Variants in NFIA observed in about 807,000 individuals in gnomAD.
NFIA encodes the protein nuclear factor 1 A-type.
A neutral mutation model predicts 62.8 loss-of-function variants in NFIA; 8 were observed. The observed-to-expected ratio is 0.13, with a 90% CI of 0.07 to 0.23. NFIA has a LOEUF of 0.23. Ranked by LOEUF, NFIA falls within the 10% of genes least tolerant of loss-of-function variation. The pLI is 1.00. For missense variants in NFIA, 410 were observed against 642.1 expected, an observed-to-expected ratio of 0.64 and a Z score of 3.91; for synonymous variants, 235 against 238.1, an observed-to-expected ratio of 0.99 and a Z score of 0.12.
rs540342422 is a variant in NFIA at position 61,301,432 on chromosome 1, G to A, written c.625+23847G>A. 3.3e-5 allele frequency among the ~76,000 whole-genome samples: 5 copies of A among 152,266 alleles called. No individual in the cohort carries two copies. In the South Asian group the frequency reaches 8.3e-4, roughly 25 times the overall value. ...TGGATGATTTTAAATATTTCTCACA[G>A]CCAAACTTTTGATTAAAGCTGAGCC... On this transcript the variant is annotated intron_variant, in intron 3 of 10. Transcript: ENST00000403491.
intron 10 of NFIA, among the ~76,000 whole-genome samples, chr1:61,432,642 C>CACACATATATATAT (rs1667153213): frequency 6.6e-6 from 1 of 151,166 alleles, no homozygotes; most frequent in Admixed American, 6.6e-5. Flanking sequence ...CATATATATA[C>CACACATATATATAT]ACATATATAT....
intron 2 of NFIA, among the ~76,000 whole-genome samples, chr1:61,172,984 A>G (rs1485042696): frequency 6.6e-6 from 1 of 152,040 alleles, no homozygotes; most frequent in Non-Finnish European, 1.5e-5. Flanking sequence ...TTTTCTGACA[A>G]CTCCATTAGG....
chr1:61,099,067 G>A (rs1324983913), intron 2 of NFIA, among the ~76,000 whole-genome samples: 1 of 152,202 alleles, frequency 6.6e-6, no homozygotes, highest in Non-Finnish European at 1.5e-5. Flanking sequence ...ATGGATAAAT[G>A]TAATCCTTTG....
At chr1:61,443,266 G>A (rs560584515) in intron 10 of NFIA, among the ~76,000 whole-genome samples, 2 of 151,844 alleles carry the variant, frequency 1.3e-5, no homozygotes, top group African/African-American at 4.8e-5. Context: ...CAACTCCAAA[G>A]ATAAAAAAGC....
chr1:61,445,352 C>T (rs1667761901), intron 10 of NFIA, among the ~76,000 whole-genome samples: 1 of 152,126 alleles, frequency 6.6e-6, no homozygotes, highest in Non-Finnish European at 1.5e-5. Flanking sequence ...CTCATATCCC[C>T]TGGAAATATT....
At chr1:61,139,316 A>C (rs1647323804) in intron 2 of NFIA, among the ~76,000 whole-genome samples, 1 of 152,216 alleles carries the variant, frequency 6.6e-6, no homozygotes, top group Non-Finnish European at 1.5e-5. Context: ...CCCCATGTAG[A>C]TCCCATTATT....
intron 2 of NFIA, among the ~76,000 whole-genome samples, chr1:61,231,686 T>C (rs1221189975): frequency 1.3e-5 from 2 of 152,138 alleles, no homozygotes; most frequent in African/African-American, 4.8e-5. Context: ...CAGTCTAAGC[T>C]GAGTATAGTG....
intron 10 of NFIA, among the ~76,000 whole-genome samples, chr1:61,452,227 T>C (rs922962926): frequency 6.6e-6 from 1 of 150,952 alleles, no homozygotes; most frequent in Non-Finnish European, 1.5e-5. Flanking sequence ...TACAAACTGA[T>C]TAGGAGAAAA....
chr1:61,276,730 T>C (rs1657828108), intron 2 of NFIA, among the ~76,000 whole-genome samples: 1 of 152,144 alleles, frequency 6.6e-6, no homozygotes. Context: ...AATTTAAAAA[T>C]TAAGTTACTT....
intron 2 of NFIA, chr1:61,132,706 A>C (rs1391172844): frequency 6.6e-6 from 1 of 152,254 alleles, no homozygotes; most frequent in Non-Finnish European, 1.5e-5. Flanking sequence ...AGGAGTTGGA[A>C]GATGAGGAGT....
intron 3 of NFIA, among the ~76,000 whole-genome samples, chr1:61,293,702 A>T (rs1659030605): frequency 6.6e-6 from 1 of 152,228 alleles, no homozygotes; most frequent in African/African-American, 2.4e-5. Context: ...ACAGTTAAAA[A>T]GAACTTCATG....
At chr1:61,184,864 A>G (rs1651045161) in intron 2 of NFIA, among the ~76,000 whole-genome samples, 1 of 152,162 alleles carries the variant, frequency 6.6e-6, no homozygotes, top group Admixed American at 6.6e-5. Context: ...AAGGAACTGA[A>G]AGAAAACAGA....
At chr1:61,443,025 G>A (rs1569892202) in intron 10 of NFIA, among the ~76,000 whole-genome samples, 1 of 152,256 alleles carries the variant, frequency 6.6e-6, no homozygotes, top group East Asian at 1.9e-4. Flanking sequence ...ATTTAATTTG[G>A]TTTTAGAAAA....
chr1:61,363,723 T>G (rs1663429432), intron 6 of NFIA, among the ~76,000 whole-genome samples: 2 of 152,108 alleles, frequency 1.3e-5, no homozygotes, highest in South Asian at 2.1e-4. Flanking sequence ...GAAATATAGA[T>G]TATTAAATAT....
intron 4 of NFIA, among the ~76,000 whole-genome samples, chr1:61,348,061 G>A (rs1662339694): frequency 6.6e-6 from 1 of 152,180 alleles, no homozygotes; most frequent in African/African-American, 2.4e-5. Flanking sequence ...CCTGCCTAAA[G>A]CCCACCTCTT....
At chr1:61,187,915 T>C (rs1215722815) in intron 2 of NFIA, among the ~76,000 whole-genome samples, 1 of 152,162 alleles carries the variant, frequency 6.6e-6, no homozygotes, top group Non-Finnish European at 1.5e-5. Flanking sequence ...AAGGCAGCCC[T>C]GTAGTAAGGA....
chr1:61,140,735 T>C (rs921814546), intron 2 of NFIA, among the ~76,000 whole-genome samples: 1 of 152,092 alleles, frequency 6.6e-6, no homozygotes, highest in African/African-American at 2.4e-5. Flanking sequence ...ATTGGTAAGA[T>C]AAAAATGGGA....
intron 2 of NFIA, among the ~76,000 whole-genome samples, chr1:61,107,835 G>A (rs999156521): frequency 6.6e-6 from 1 of 151,590 alleles, no homozygotes; most frequent in African/African-American, 2.4e-5. Context: ...TTTGTGTATG[G>A]TGTGAGGTAG....
intron 7 of NFIA, among the ~76,000 whole-genome samples, chr1:61,388,830 T>C (rs934231654): frequency 1.3e-5 from 2 of 152,176 alleles, no homozygotes; most frequent in African/African-American, 4.8e-5. Context: ...AAAACAAGTA[T>C]GTGGCTAGGT....
Sources: gnomAD v4.1 joint callset for allele counts (sites outside exome capture counted in the v4.1 genomes callset) on GRCh38, gnomAD v4.1.1 for gene constraint, MANE v1.5 for transcripts, NCBI Gene and HGNC (gene_info 2026-07-23, HGNC 2026-07-21) for gene names.